Variants in ERBB4 observed in about 807,000 individuals in gnomAD.
ERBB4 encodes erb-b2 receptor tyrosine kinase 4.
Under a neutral mutation model 158.0 loss-of-function variants are expected in ERBB4, and 42 were observed. The ratio of observed to expected loss-of-function variants is 0.27; its 90% CI spans 0.21 to 0.34. The LOEUF (loss-of-function observed/expected upper bound fraction) is 0.34. Among genes scored for constraint, ERBB4 ranks in the 10% least tolerant of loss-of-function variants. ERBB4 has a pLI of 1.00. For synonymous variants in ERBB4, 583 were observed against 558.7 expected, an observed-to-expected ratio of 1.04 and a Z score of -0.61; for missense variants, 1,333 against 1,624.1, an observed-to-expected ratio of 0.82 and a Z score of 3.08.
chr2:212,273,068 AC>A (rs1216790575), intron 1 of ERBB4, among the ~76,000 whole-genome samples: 1 of 151,740 alleles, frequency 6.6e-6, no homozygotes, highest in East Asian at 1.9e-4. Flanking sequence ...GGCCACTATT[AC>A]GACTTTGAGT....
chr2:211,989,112 G>A (rs182253818), intron 2 of ERBB4, among the ~76,000 whole-genome samples: 1 of 151,750 alleles, frequency 6.6e-6, no homozygotes, highest in East Asian at 1.9e-4. Context: ...TCTGTTTTTT[G>A]AATGACAACA....
chr2:212,070,871 T>A (rs2078094939), intron 2 of ERBB4, among the ~76,000 whole-genome samples: 1 of 152,012 alleles, frequency 6.6e-6, no homozygotes, highest in Non-Finnish European at 1.5e-5. Context: ...TCACACTTCT[T>A]TTTTTAATGT....
chr2:212,031,371 A>C (rs1026743728), intron 2 of ERBB4, among the ~76,000 whole-genome samples: 1 of 152,158 alleles, frequency 6.6e-6, no homozygotes, highest in African/African-American at 2.4e-5. Context: ...GAGGCTTTAA[A>C]ACATAACATA....
At chr2:211,683,012 T>G (rs1260255863) in intron 12 of ERBB4, among the ~76,000 whole-genome samples, 1 of 151,770 alleles carries the variant, frequency 6.6e-6, no homozygotes, top group Non-Finnish European at 1.5e-5. Flanking sequence ...TTATTTTATT[T>G]CTATTTATGT....
intron 26 of ERBB4, 98 bp from the exon 27 acceptor site, chr2:211,387,248 GA>G (rs2125321141): frequency 9.8e-7 from 1 of 1,017,622 alleles, no homozygotes. Flanking sequence ...CAGTCTTTCA[GA>G]GAATAGTCAT....
intron 1 of ERBB4, among the ~76,000 whole-genome samples, chr2:212,134,504 G>A (rs147407843): frequency 1.3e-4 from 19 of 151,652 alleles, no homozygotes; most frequent in African/African-American, 4.6e-4. Context: ...TAGGAAATGT[G>A]TTTCATAATT....
Position 212,448,620 on chromosome 2 carries a change from T to G in ERBB4, c.82+89829A>C, listed in dbSNP as rs370610220. Among the ~76,000 whole-genome samples the G allele has an allele frequency of 9.9e-5, 15 of 152,244 alleles. 1 individual carries two copies. Among genetic ancestry groups the G allele is most frequent in the African/African-American group, 3.6e-4 (15 of 41,562 alleles). Reference sequence around the variant, plus strand: ...AATGAAAGAAAGAAGCAGCAGCTTCTGTTGGTACATAAACATCAGGCATGG... The same window carrying G: ...AATGAAAGAAAGAAGCAGCAGCTTCGGTTGGTACATAAACATCAGGCATGG... On this transcript the variant is annotated intron_variant, in intron 1 of 27. Transcript: ENST00000342788.
intron 1 of ERBB4, among the ~76,000 whole-genome samples, chr2:212,145,689 G>A (rs926389914): frequency 5.7e-5 from 8 of 139,970 alleles, no homozygotes; most frequent in African/African-American, 1.9e-4. Flanking sequence ...AGCCTTGGCT[G>A]TGCCCACTCA....
At chr2:211,849,770 C>A (rs1034849133) in intron 3 of ERBB4, among the ~76,000 whole-genome samples, 36 of 151,880 alleles carry the variant, frequency 2.4e-4, no homozygotes, top group African/African-American at 8.5e-4. Flanking sequence ...TTATTAAGAT[C>A]ATCTTTCTAT....
intron 2 of ERBB4, among the ~76,000 whole-genome samples, chr2:212,081,930 A>C (rs963355819): frequency 6.6e-6 from 1 of 152,136 alleles, no homozygotes; most frequent in Non-Finnish European, 1.5e-5. Flanking sequence ...AGACTTACAA[A>C]GATATTTTGT....
intron 1 of ERBB4, among the ~76,000 whole-genome samples, chr2:212,500,463 A>T (rs981157436): frequency 6.6e-6 from 1 of 152,148 alleles, no homozygotes; most frequent in Non-Finnish European, 1.5e-5. Context: ...AAATATTAAC[A>T]TATAAATGAC....
chr2:212,483,862 G>C (rs751602262), intron 1 of ERBB4, among the ~76,000 whole-genome samples: 1 of 151,952 alleles, frequency 6.6e-6, no homozygotes, highest in Non-Finnish European at 1.5e-5. Flanking sequence ...TCAGCCTCCC[G>C]AGTAGCTGGG....
At chr2:211,941,343 C>G (rs987607335) in intron 3 of ERBB4, among the ~76,000 whole-genome samples, 1 of 150,992 alleles carries the variant, frequency 6.6e-6, no homozygotes, top group Non-Finnish European at 1.5e-5. Flanking sequence ...GTTAAACATT[C>G]TGTTTAACAA....
At chr2:211,824,502 T>C (rs2077055042) in intron 3 of ERBB4, among the ~76,000 whole-genome samples, 1 of 152,020 alleles carries the variant, frequency 6.6e-6, no homozygotes, top group African/African-American at 2.4e-5. Flanking sequence ...TGCAACCAAA[T>C]TACTTCTTTT....
intron 20 of ERBB4, among the ~76,000 whole-genome samples, chr2:211,515,891 A>ATGTAT (rs1559248727): frequency 2.3e-4 from 27 of 119,168 alleles, no homozygotes; most frequent in African/African-American, 9.5e-4. Flanking sequence ...ATATAAAAAC[A>ATGTAT]TATATTATAT....
intron 1 of ERBB4, among the ~76,000 whole-genome samples, chr2:212,331,075 C>CATATAT (rs1553619158): frequency 1.4e-4 from 3 of 21,344 alleles, no homozygotes; most frequent in Non-Finnish European, 5.5e-4. Context: ...TATATATACA[C>CATATAT]ATATATATAT....
intron 4 of ERBB4, among the ~76,000 whole-genome samples, chr2:211,785,001 A>G (rs1045963911): frequency 6.6e-6 from 1 of 151,750 alleles, no homozygotes; most frequent in African/African-American, 2.4e-5. Context: ...TATTCTGGAT[A>G]TTAATTCCCT....
At chr2:211,936,085 G>A (rs535037885) in intron 3 of ERBB4, among the ~76,000 whole-genome samples, 123 of 151,940 alleles carry the variant, frequency 8.1e-4, no homozygotes, top group African/African-American at 2.7e-3. Context: ...GTTCTTATTT[G>A]TATACCAGCA....
intron 3 of ERBB4, among the ~76,000 whole-genome samples, chr2:211,921,878 T>C (rs1420950713): frequency 2.6e-5 from 4 of 152,128 alleles, no homozygotes; most frequent in African/African-American, 9.7e-5. Context: ...ATCCATGAAA[T>C]TAAGGTACAT....
Sources: gnomAD v4.1 joint callset for allele counts (sites outside exome capture counted in the v4.1 genomes callset) on GRCh38, gnomAD v4.1.1 for gene constraint, MANE v1.5 for transcripts, NCBI Gene and HGNC (gene_info 2026-07-23, HGNC 2026-07-21) for gene names.